SLC6A3: variants seen among roughly 807,000 people sequenced by gnomAD.
SLC6A3 encodes solute carrier family 6 member 3.
SLC6A3 carries 19 observed loss-of-function variants against 70.4 expected under a neutral mutation model. The ratio of observed to expected loss-of-function variants is 0.27; its 90% confidence interval spans 0.19 to 0.40. The LOEUF is 0.40. SLC6A3 is among the 10% of genes least tolerant of loss of function. SLC6A3 has a pLI of 1.00. For synonymous variants in SLC6A3, 368 were observed against 356.6 expected (o/e 1.03, Z -0.36); for missense variants, 613 against 838.5 (o/e 0.73, Z 3.32).
intron 7 of SLC6A3, 100 bp from the exon 8 acceptor site, chr5:1,414,915 G>C: frequency 6.6e-7 from 1 of 1,519,322 alleles, no homozygotes; most frequent in Non-Finnish European, 9.1e-7. Flanking sequence ...GGAAGGGGGC[G>C]GGAGGTCTTC....
intron 14 of SLC6A3, among the ~76,000 whole-genome samples, chr5:1,399,067 C>A (rs1755786399): frequency 6.6e-6 from 1 of 152,110 alleles, no homozygotes; most frequent in South Asian, 2.1e-4. Flanking sequence ...CAACGTTTAT[C>A]AAAGTTGATC....
chr5:1,438,032 T>C lies in SLC6A3; in HGVS notation c.418+3327A>G, dbSNP rs564764843. 3.3e-5 allele frequency among the ~76,000 whole-genome samples: 5 copies of C among 152,334 alleles called. No individual in the cohort carries two copies. The highest frequency in any genetic ancestry group is 3.9e-4 in the East Asian group (2 of 5,184). On this transcript the variant is annotated intron_variant, in intron 3 of 14. Transcript: ENST00000270349. This position sits in a 1 kb window ranked among gnomAD's most constrained non-coding sequence, Gnocchi z 6.5. ...TCTCCTCTAAACTGGCATCCTGCGC[T>C]TGACAGGTAGGCAGAACAAACGGGA...
At chr5:1,435,634 C>T (rs1240091205) in intron 3 of SLC6A3, among the ~76,000 whole-genome samples, 1 of 152,262 alleles carries the variant, frequency 6.6e-6, no homozygotes, top group Non-Finnish European at 1.5e-5. Context: ...GACAGTGCAG[C>T]CCCCACACCA....
At position 1,445,373 on chromosome 5, in the gene SLC6A3, A is replaced by T. The variant is rs1395346649; in HGVS notation, c.-71T>A. 7.1e-5 allele frequency: 11 copies of T among 155,852 alleles called. No homozygotes were observed. The East Asian group carries it at 2.0e-3, about 29-fold the overall frequency. 9.7% of individuals were successfully genotyped at this position (155,852 alleles called of 1,614,324 possible). A position where few individuals can be genotyped will look rare whatever the true frequency, so the allele number is the denominator to read the frequency against. ...CTGGCCGCCCGGGCCTGGGCTTTGC[A>T]CGCGAGTCCTGGCGCCGAGAGCGTT... is the stretch of plus-strand genomic sequence containing the variant. On this transcript the variant is annotated 5_prime_UTR_variant, in exon 1 of 15. Transcript: ENST00000270349.
intron 9 of SLC6A3, 40 bp from the exon 10 acceptor site, chr5:1,409,889 G>A (rs772342341): frequency 5.5e-5 from 89 of 1,610,718 alleles, no homozygotes; most frequent in Admixed American, 1.7e-4. Context: ...GGCTGGCGGC[G>A]CTCCTGACCG....
chr5:1,428,420 G>A (rs1212340899), intron 4 of SLC6A3, among the ~76,000 whole-genome samples: 1 of 152,198 alleles, frequency 6.6e-6, no homozygotes, highest in Non-Finnish European at 1.5e-5. Flanking sequence ...AAGTATTTAT[G>A]GAAGTGGGGA....
intron 3 of SLC6A3, among the ~76,000 whole-genome samples, chr5:1,435,181 C>T (rs1449186688): frequency 6.6e-6 from 1 of 152,246 alleles, no homozygotes; most frequent in Non-Finnish European, 1.5e-5. Flanking sequence ...ATATTACCGT[C>T]TGTCCGGAGT....
intron 8 of SLC6A3, among the ~76,000 whole-genome samples, chr5:1,414,411 A>AG (rs1191109179): frequency 9.0e-6 from 1 of 111,428 alleles, no homozygotes; most frequent in Non-Finnish European, 1.7e-5. Context: ...GGGGGCCTGG[A>AG]GGGGCAGGGC....
In SLC6A3 at chr5:1,442,812, T is replaced by C. The variant is rs1264474418; in HGVS notation, c.286+100A>G. On this transcript the variant is annotated intron_variant, in intron 2 of 14. Coordinates refer to ENST00000270349, the MANE Select transcript of SLC6A3 (RefSeq NM_001044.5). This position sits in a 1 kb window ranked among gnomAD's most constrained non-coding sequence, Gnocchi z 5.0. ...TCACAGGGAGCTCCGTCTTCACGCA[T>C]GGGAACAGCTTCATCTCGTTTCCGT... The C allele has an allele frequency of 1.4e-5, 18 of 1,243,976 alleles. No individual in the cohort carries two copies. Among genetic ancestry groups the C allele is most frequent in the Non-Finnish European group, 1.3e-5 (11 of 849,764 alleles). The allele number at this position is 1,243,976 out of a possible 1,614,324, so 77.1% of individuals were successfully genotyped here.
chr5:1,432,643 G>A lies in SLC6A3; in HGVS notation c.474C>T (p.Val158=). 1 of 1,614,236 alleles carries A rather than the reference G, an allele frequency of 6.2e-7. No individual in the cohort carries two copies. Among genetic ancestry groups the A allele is most frequent in the South Asian group, 1.1e-5 (1 of 91,090 alleles). ...ISLYVGFFYN[V]IIAWALHYLF... ...GATAGTGCAGCGCCCAGGCGATGAT[G>A]ACGTTGTAGAAGAAGCCGACATACA... The change falls in exon 4 of 15, where the codon GTC becomes GTT. Residue 158 remains valine, a synonymous_variant. Coordinates refer to ENST00000270349, the MANE Select transcript of SLC6A3 (RefSeq NM_001044.5).
intron 12 of SLC6A3, 132 bp from the exon 13 acceptor site, chr5:1,403,221 G>T: frequency 2.9e-6 from 3 of 1,031,078 alleles, no homozygotes; most frequent in Non-Finnish European, 4.4e-6. Flanking sequence ...CCCCGGCCAG[G>T]CCTGCAGACA....
rs538233773 is a variant in SLC6A3 at position 1,430,879 on chromosome 5, C to T, written c.653+1585G>A. On this transcript the variant is annotated intron_variant, in intron 4 of 14. Coordinates refer to ENST00000270349, the MANE Select transcript of SLC6A3 (RefSeq NM_001044.5). ...GTTTTCTGACTCAAAACAAATTTTGCAAAGGCACCTACTGGCTGTTAAAAC... is the reference window on the plus strand; with the variant it reads ...GTTTTCTGACTCAAAACAAATTTTGTAAAGGCACCTACTGGCTGTTAAAAC... Among the ~76,000 whole-genome samples, 6 of 151,664 alleles carry T rather than the reference C, an allele frequency of 4.0e-5. No individual in the cohort carries two copies. The South Asian group carries it at 1.3e-3, about 32-fold the overall frequency.
Position 1,442,209 on chromosome 5 carries a change from C to T in SLC6A3, c.286+703G>A, listed in dbSNP as rs1444399417. ...CTCTGTCTTTGGGCAACTTCCTGTACCTGCTGAGGCCTCTGTCTTCCCCTC... is the reference window on the plus strand; with the variant it reads ...CTCTGTCTTTGGGCAACTTCCTGTATCTGCTGAGGCCTCTGTCTTCCCCTC... On this transcript the variant is annotated intron_variant, in intron 2 of 14. Transcript: ENST00000270349. This position sits in a 1 kb window ranked among gnomAD's most constrained non-coding sequence, Gnocchi z 5.0. 1.3e-5 allele frequency among the ~76,000 whole-genome samples: 2 copies of T among 152,154 alleles called. No homozygotes were observed. Among genetic ancestry groups the T allele is most frequent in the East Asian group, 3.9e-4 (2 of 5,184 alleles).
intron 4 of SLC6A3, among the ~76,000 whole-genome samples, chr5:1,422,402 C>CACTGCCCACAGT (rs1756463137): frequency 3.4e-5 from 5 of 146,096 alleles, no homozygotes; most frequent in African/African-American, 1.3e-4. Context: ...GGGTGCCCAC[C>CACTGCCCACAGT]GCTGCCCACG....
rs1435066721 is a variant in SLC6A3 at position 1,416,385 on chromosome 5, C to T, written c.928-184G>A. 6.2e-6 allele frequency: 4 copies of T among 646,476 alleles called. No homozygotes were observed. In the African/African-American group the frequency reaches 7.2e-5, roughly 12 times the overall value. 40.0% of individuals were successfully genotyped at this position (646,476 alleles called of 1,614,324 possible). A position where few individuals can be genotyped will look rare whatever the true frequency, so the allele number is the denominator to read the frequency against. On this transcript the variant is annotated intron_variant, in intron 6 of 14. Transcript: ENST00000270349. ...CCTCAGGAAGTGAACCCTCCCGGGC[C>T]AGCGGCCTGGAAGAGCCTGAGAAGC...
intron 3 of SLC6A3, 86 bp downstream of exon 3, chr5:1,441,273 T>C (rs1733654531): frequency 6.4e-7 from 1 of 1,551,142 alleles, no homozygotes; most frequent in African/African-American, 1.4e-5. Flanking sequence ...TGGATGCCCA[T>C]GATGCGGCTG....
At chr5:1,415,892 T>C (rs1213676524) in intron 7 of SLC6A3, among the ~76,000 whole-genome samples, 1 of 152,228 alleles carries the variant, frequency 6.6e-6, no homozygotes, top group Non-Finnish European at 1.5e-5. Flanking sequence ...ACACACCCAC[T>C]GGCTTCAGTG....
At chr5:1,430,337 A>G (rs777232515) in intron 4 of SLC6A3, among the ~76,000 whole-genome samples, 2 of 151,354 alleles carry the variant, frequency 1.3e-5, no homozygotes, top group Non-Finnish European at 2.9e-5. Flanking sequence ...GGTCTTCCTC[A>G]TGCTCTAAGA....
chr5:1,444,696 A>T (rs2126419088), intron 1 of SLC6A3, among the ~76,000 whole-genome samples: 1 of 152,308 alleles, frequency 6.6e-6, no homozygotes, highest in Non-Finnish European at 1.5e-5. Flanking sequence ...GGAGCTCGCG[A>T]GTCTCCGGCA....
Sources: allele counts gnomAD v4.1 joint callset (sites outside exome capture counted in the v4.1 genomes callset), GRCh38; gene constraint gnomAD v4.1.1; non-coding constraint Gnocchi (gnomAD v3.1); transcripts MANE v1.5; gene names NCBI Gene and HGNC (gene_info 2026-07-23, HGNC 2026-07-21).